IZUMO1: variants seen among roughly 807,000 people sequenced by gnomAD.
IZUMO1 encodes izumo sperm-egg fusion protein 1.
A neutral mutation model predicts 40.7 loss-of-function variants in IZUMO1; 44 were observed. That is an observed-to-expected ratio of 1.08 (90% confidence interval 0.85 to 1.39). IZUMO1 has a LOEUF of 1.39. Ranked by LOEUF, IZUMO1 falls within the 40% of genes most tolerant of loss-of-function variation. The pLI, the probability that IZUMO1 is intolerant of heterozygous loss-of-function variation, is 0.00. For synonymous variants in IZUMO1, 149 were observed against 170.9 expected (o/e 0.87, Z 1.00); for missense variants, 368 against 436.9 (o/e 0.84, Z 1.41).
Position 48,741,353 on chromosome 19 carries a change from G to C in IZUMO1, c.880C>G (p.Leu294Val), listed in dbSNP as rs771926164. Residue 294 changes from leucine to valine, a missense_variant, in exon 9 of 10, where the codon CTG becomes GTG. Transcript: ENST00000332955. The surrounding 1 kb of genome is among the most constrained non-coding windows in gnomAD (Gnocchi z 4.4). ...QPEKMLASRLLGLLICGSLAL... is the reference protein window; with the variant it reads ...QPEKMLASRLVGLLICGSLAL... ...AGGGAGCCGCAGATCAGCAGCCCCA[G>C]AAGGCGGCTTGCCAGCATTTTCTCG... is the stretch of plus-strand genomic sequence containing the variant. The C allele has an allele frequency of 2.0e-5, 33 of 1,612,042 alleles. 2 individuals carry two copies. The highest frequency in any genetic ancestry group is 1.9e-5 in the Non-Finnish European group (23 of 1,179,774).
chr19:48,745,376 T>G, intron 2 of IZUMO1, 88 bp from the exon 3 acceptor site: 1 of 1,255,468 alleles, frequency 8.0e-7, no homozygotes, highest in South Asian at 1.2e-5. Context: ...ATGAGGCCAC[T>G]GGGCAAAGAT....
chr19:48,745,694 T>G lies in IZUMO1; in HGVS notation c.166A>C (p.Arg56=). 1.2e-6 allele frequency: 2 copies of G among 1,614,232 alleles called. No individual in the cohort carries two copies. The highest frequency in any genetic ancestry group is 1.7e-6 in the Non-Finnish European group (2 of 1,180,044). ...AAATCCTTCACGGCATTCTCTACCC[T>G]TTCCATCATGGCTTTGTGATGCTTC... ...DAKHHKAMME[R]VENAVKDFQE... Residue 56 remains arginine (R), a synonymous_variant, in exon 2 of 10, where the codon AGG becomes CGG. Coordinates refer to ENST00000332955, the MANE Select transcript of IZUMO1 (RefSeq NM_182575.3).
chr19:48,743,108 T>C, intron 6 of IZUMO1: 1 of 318,706 alleles, frequency 3.1e-6, no homozygotes, highest in Non-Finnish European at 6.0e-6. Context: ...CTTACTGCAG[T>C]CTCCAACTCC....
chr19:48,744,323 A>T, intron 4 of IZUMO1, 128 bp from the exon 5 acceptor site: 1 of 1,228,286 alleles, frequency 8.1e-7, no homozygotes, highest in South Asian at 1.2e-5. Flanking sequence ...GGGAGAAAAG[A>T]CTTGGGTCTG....
intron 6 of IZUMO1, chr19:48,742,994 T>C (rs1354200966): frequency 6.4e-6 from 1 of 156,336 alleles, no homozygotes; most frequent in Admixed American, 6.4e-5. Flanking sequence ...CCTCCCAAAG[T>C]GCTGGGACTA....
intron 5 of IZUMO1, 81 bp downstream of exon 5, chr19:48,744,094 C>T (rs1432819692): frequency 1.6e-6 from 2 of 1,286,540 alleles, no homozygotes; most frequent in Admixed American, 1.7e-5. Context: ...ATGACAAAAC[C>T]ACCAGGATCC....
In IZUMO1 at chr19:48,746,885, G is replaced by A; in HGVS notation, c.-524C>T. ...CCCCCTCCGAGCTTCTCACGTAGGG[G>A]CCCGAATTCCTTTATAGATATTCCT... is the stretch of plus-strand genomic sequence containing the variant. On this transcript the variant is annotated 5_prime_UTR_variant, in exon 1 of 10. Coordinates refer to ENST00000332955, the MANE Select transcript of IZUMO1 (RefSeq NM_182575.3). 4.1e-6 allele frequency: 4 copies of A among 985,408 alleles called. No individual in the cohort carries two copies. The highest frequency in any genetic ancestry group is 4.8e-6 in the Non-Finnish European group (4 of 829,920). The allele number at this position is 985,408 out of a possible 1,614,324, so 61.0% of individuals were successfully genotyped here. A position where few individuals can be genotyped will look rare whatever the true frequency, so the allele number is the denominator to read the frequency against.
chr19:48,744,499 C>T lies in IZUMO1; in HGVS notation c.351G>A (p.Leu117=). 2 of 1,613,980 alleles carry T rather than the reference C, an allele frequency of 1.2e-6. No homozygotes were observed. The highest frequency in any genetic ancestry group is 1.7e-6 in the Non-Finnish European group (2 of 1,179,876). Residue 117 remains leucine (L), a synonymous_variant, in exon 4 of 10, where the codon TTG becomes TTA. Transcript: ENST00000332955. ...CATAGGTGGCAAAGGTTTCCTTTTG[C>T]AAGTGCAACATCCAAAATAGCTCCT... ...FVKELFWMLH[L]QKETFATYVA...
At position 48,741,903 on chromosome 19, in the gene IZUMO1, T is replaced by G; in HGVS notation, c.640A>C (p.Lys214Gln). The change falls in exon 8 of 10, where the codon AAA (lysine) becomes CAA (glutamine). Residue 214 changes from lysine to glutamine, a missense_variant. Physicochemically the swap from Lys to Gln is moderately conservative, Grantham distance 53 (BLOSUM62 1). Coordinates refer to ENST00000332955, the MANE Select transcript of IZUMO1 (RefSeq NM_182575.3). This position sits in a 1 kb window ranked among gnomAD's most constrained non-coding sequence, Gnocchi z 4.4. ...NNTETLVSKG[K>Q]EATLTKPMVG... ...ATGGGCTTGGTCAGGGTGGCCTCTTTCCCCTTGGACACCAAGGTCTCCGTA... is the reference window on the plus strand; with the variant it reads ...ATGGGCTTGGTCAGGGTGGCCTCTTGCCCCTTGGACACCAAGGTCTCCGTA... 6.2e-7 allele frequency: 1 copy of G among 1,611,606 alleles called. No individual in the cohort carries two copies. The highest frequency in any genetic ancestry group is 8.5e-7 in the Non-Finnish European group (1 of 1,178,164).
rs2033682528 is a variant in IZUMO1 at position 48,741,330 on chromosome 19, G to A, written c.903C>T (p.Ser301=). 6.2e-7 allele frequency: 1 copy of A among 1,609,212 alleles called. No homozygotes were observed. The highest frequency in any genetic ancestry group is 1.1e-5 in the South Asian group (1 of 91,016). Residue 301 remains serine, a synonymous_variant, in exon 9 of 10, where the codon TCC becomes TCT. Coordinates refer to ENST00000332955, the MANE Select transcript of IZUMO1 (RefSeq NM_182575.3). This position sits in a 1 kb window ranked among gnomAD's most constrained non-coding sequence, Gnocchi z 4.4. ...SRLLGLLICG[S]LALITGLTFA... ...AGGTAAGGCCGGTTATCAGTGCTAGGGAGCCGCAGATCAGCAGCCCCAGAA... is the reference window on the plus strand; with the variant it reads ...AGGTAAGGCCGGTTATCAGTGCTAGAGAGCCGCAGATCAGCAGCCCCAGAA...
rs2122500458 is a variant in IZUMO1 at position 48,741,279 on chromosome 19, T to C, written c.932+22A>G. 2 of 1,567,624 alleles carry C rather than the reference T, an allele frequency of 1.3e-6. No individual in the cohort carries two copies. The highest frequency in any genetic ancestry group is 1.7e-6 in the Non-Finnish European group (2 of 1,157,588). The stretch of plus-strand genomic sequence containing the variant: ...CGCCCCTTACTCCAAGCCAAGCCTG[T>C]CTTCTTCAATGGGTTGCTTACGCAA... On this transcript the variant is annotated intron_variant, in intron 9 of 9. Transcript: ENST00000332955. The surrounding 1 kb of genome is among the most constrained non-coding windows in gnomAD (Gnocchi z 4.4).
Position 48,740,978 on chromosome 19 carries a change from C to T in IZUMO1, c.983G>A (p.Gly328Asp). 1 of 1,614,166 alleles carries T rather than the reference C, an allele frequency of 6.2e-7. No homozygotes were observed. Among genetic ancestry groups the T allele is most frequent in the Non-Finnish European group, 8.5e-7 (1 of 1,180,014 alleles). ...TTGCTCGGCCGCTCCACTGCCAAGG[C>T]CAAACAGTGAGGATTTGATGAAATC... Reference protein sequence around the residue: ...VIDFIKSSLFGLGSGAAEQTQ... With the variant: ...VIDFIKSSLFDLGSGAAEQTQ... The change falls in exon 10 of 10, where the codon GGC (glycine) becomes GAC (aspartate). Residue 328 changes from glycine (G) to aspartate (D), a missense_variant. Physicochemically the swap from Gly to Asp is moderately conservative, Grantham distance 94. Coordinates refer to ENST00000332955, the MANE Select transcript of IZUMO1 (RefSeq NM_182575.3). This position sits in a 1 kb window ranked among gnomAD's most constrained non-coding sequence, Gnocchi z 5.5.
At chr19:48,742,035 G>A in intron 7 of IZUMO1, 93 bp from the exon 8 acceptor site, 1 of 1,536,774 alleles carries the variant, frequency 6.5e-7, no homozygotes, top group South Asian at 1.3e-5. Context: ...CAGTGTGGGA[G>A]GTGAGTGTCC....
At chr19:48,744,675 G>T (rs923672454) in intron 3 of IZUMO1, 136 bp from the exon 4 acceptor site, 13 of 646,866 alleles carry the variant, frequency 2.0e-5, no homozygotes, top group African/African-American at 2.0e-4. Context: ...AATGCCAGCT[G>T]CTGGGCTAGG....
In IZUMO1 at chr19:48,744,504, G is replaced by A. The variant is rs1291792597; in HGVS notation, c.346C>T (p.His116Tyr). ...GTGGCAAAGGTTTCCTTTTGCAAGT[G>A]CAACATCCAAAATAGCTCCTTCACG... is the stretch of plus-strand genomic sequence containing the variant. The part of the protein sequence containing the change: ...LFVKELFWML[H>Y]LQKETFATYV... The change falls in exon 4 of 10, where the codon CAC (histidine) becomes TAC (tyrosine). Residue 116 changes from histidine to tyrosine, a missense_variant. Transcript: ENST00000332955. 6.2e-7 allele frequency: 1 copy of A among 1,613,902 alleles called. No individual in the cohort carries two copies. Among genetic ancestry groups the A allele is most frequent in the Admixed American group, 1.7e-5 (1 of 60,016 alleles).
intron 3 of IZUMO1, 88 bp from the exon 4 acceptor site, chr19:48,744,627 C>A: frequency 1.0e-6 from 1 of 963,844 alleles, no homozygotes; most frequent in South Asian, 1.3e-5. Context: ...ACTTCCTGGC[C>A]TTCTCAGGAA....
At chr19:48,746,355 G>A in intron 1 of IZUMO1, 80 bp downstream of exon 1, 2 of 1,008,648 alleles carry the variant, frequency 2.0e-6, no homozygotes, top group Non-Finnish European at 2.4e-6. Context: ...AAGATTCAAT[G>A]CCCAAACCAA....
At chr19:48,746,141 T>G (rs2033877374) in intron 1 of IZUMO1, 1 of 1,284,592 alleles carries the variant, frequency 7.8e-7, no homozygotes, top group African/African-American at 1.5e-5. Context: ...AACTGAGAGA[T>G]CAGAAAAACT....
Position 48,741,759 on chromosome 19 carries a change from C to T in IZUMO1, c.754+30G>A, listed in dbSNP as rs1211496367. On this transcript the variant is annotated intron_variant, in intron 8 of 9. Coordinates refer to ENST00000332955, the MANE Select transcript of IZUMO1 (RefSeq NM_182575.3). This position sits in a 1 kb window ranked among gnomAD's most constrained non-coding sequence, Gnocchi z 4.4. ...CCCCAGCTTTCCTGGGCCCTGAATC[C>T]TACACTTCTCTCAGCCCCACAGCAC... 1 of 1,531,104 alleles carries T rather than the reference C, an allele frequency of 6.5e-7. No homozygotes were observed. The highest frequency in any genetic ancestry group is 8.8e-7 in the Non-Finnish European group (1 of 1,135,386). 94.8% of individuals were successfully genotyped at this position (1,531,104 alleles called of 1,614,324 possible). A position where few individuals can be genotyped will look rare whatever the true frequency, so the allele number is the denominator to read the frequency against.
Sources: allele counts gnomAD v4.1 joint callset, GRCh38; gene constraint gnomAD v4.1.1; non-coding constraint Gnocchi (gnomAD v3.1); transcripts MANE v1.5; gene names NCBI Gene and HGNC (gene_info 2026-07-23, HGNC 2026-07-21).